The following ZFPM2 variants were observed in gnomAD, a reference collection of about 807,000 sequenced individuals.
ZFPM2 encodes the protein zinc finger protein ZFPM2.
A neutral mutation model predicts 98.6 loss-of-function variants in ZFPM2; 20 were observed. That is an observed-to-expected ratio of 0.20 (90% CI 0.14 to 0.29). The LOEUF is 0.29. ZFPM2 is among the 10% of genes least tolerant of loss of function. The pLI, the probability that ZFPM2 is intolerant of heterozygous loss-of-function variation, is 1.00. For missense variants in ZFPM2, 1,310 were observed against 1,388.6 expected (o/e 0.94, Z 0.90); for synonymous variants, 518 against 502.7 (o/e 1.03, Z -0.41).
intron 3 of ZFPM2, among the ~76,000 whole-genome samples, chr8:105,505,560 C>G (rs1235965304): frequency 6.6e-6 from 1 of 151,798 alleles, no homozygotes; most frequent in Non-Finnish European, 1.5e-5. Context: ...TGTTGACATT[C>G]TAATAAAGTC....
intron 5 of ZFPM2, among the ~76,000 whole-genome samples, chr8:105,649,209 GA>G (rs1427688093): frequency 1.3e-5 from 2 of 152,172 alleles, no homozygotes; most frequent in African/African-American, 4.8e-5. Context: ...GAATGCTTGT[GA>G]TTTTTGCACA....
intron 2 of ZFPM2, among the ~76,000 whole-genome samples, chr8:105,426,124 A>G (rs1811903134): frequency 6.6e-6 from 1 of 152,112 alleles, no homozygotes; most frequent in African/African-American, 2.4e-5. Context: ...GCTCTACCAT[A>G]ATCACTTTGA....
At chr8:105,641,822 C>A (rs1036853302) in intron 5 of ZFPM2, among the ~76,000 whole-genome samples, 1 of 151,958 alleles carries the variant, frequency 6.6e-6, no homozygotes, top group South Asian at 2.1e-4. Flanking sequence ...AATAGCCCTG[C>A]ACAATAATCC....
chr8:105,405,837 T>G (rs1050335582), intron 1 of ZFPM2, among the ~76,000 whole-genome samples: 1 of 152,150 alleles, frequency 6.6e-6, no homozygotes, highest in Non-Finnish European at 1.5e-5. Flanking sequence ...TAGTTCTAGA[T>G]CCCTGACGAA....
intron 4 of ZFPM2, among the ~76,000 whole-genome samples, chr8:105,566,978 T>C (rs558244945): frequency 6.6e-6 from 1 of 152,212 alleles, no homozygotes; most frequent in East Asian, 1.9e-4. Flanking sequence ...AATAATGAAA[T>C]AATGCATGTA....
chr8:105,721,121 A>G (rs1290588890), intron 5 of ZFPM2, among the ~76,000 whole-genome samples: 3 of 151,916 alleles, frequency 2.0e-5, no homozygotes, highest in African/African-American at 4.8e-5. Flanking sequence ...ACCACTGAAG[A>G]TACCAAAATC....
chr8:105,503,671 G>T (rs1813640895), intron 3 of ZFPM2, among the ~76,000 whole-genome samples: 1 of 152,092 alleles, frequency 6.6e-6, no homozygotes, highest in Non-Finnish European at 1.5e-5. Context: ...ATACTTTAAA[G>T]TATTTGTAGA....
At position 105,631,156 on chromosome 8, in the gene ZFPM2, T is replaced by A. The variant is rs532208447; in HGVS notation, c.421-3090T>A. Among the ~76,000 whole-genome samples the A allele has an allele frequency of 2.0e-5, 3 of 152,268 alleles. No individual in the cohort carries two copies. The South Asian group carries it at 6.2e-4, about 32-fold the overall frequency. ...GTACCTAACAAAATCCTTGCACAAG[T>A]AGCCTAAATAGTAGTACCCTTATTC... is the stretch of plus-strand genomic sequence containing the variant. On this transcript the variant is annotated intron_variant, in intron 4 of 7. Coordinates refer to ENST00000407775, the MANE Select transcript of ZFPM2 (RefSeq NM_012082.4).
At chr8:105,655,872 G>A (rs548006293) in intron 5 of ZFPM2, among the ~76,000 whole-genome samples, 7 of 152,304 alleles carry the variant, frequency 4.6e-5, no homozygotes, top group Non-Finnish European at 1.0e-4. Flanking sequence ...GAGCTTAAAT[G>A]TCTTGTTCAA....
At position 105,691,438 on chromosome 8, in the gene ZFPM2, C is replaced by T. The variant is rs1163000366; in HGVS notation, c.532+57081C>T. Among the ~76,000 whole-genome samples, 16 of 131,144 alleles carry T rather than the reference C, an allele frequency of 1.2e-4. No individual in the cohort carries two copies. In the East Asian group the frequency reaches 2.5e-3, roughly 20 times the overall value. The allele number at this position is 131,144 out of a possible 152,430, so 86.0% of individuals were successfully genotyped here. On this transcript the variant is annotated intron_variant, in intron 5 of 7. Transcript: ENST00000407775. ...TAATTTTTTGTATTTTTAGTAGAGA[C>T]GGGGTTTCACCTTGTTAGCCAGGAT...
intron 5 of ZFPM2, among the ~76,000 whole-genome samples, chr8:105,709,113 C>T (rs1359429311): frequency 1.3e-5 from 2 of 152,050 alleles, no homozygotes; most frequent in Admixed American, 1.3e-4. Context: ...CTCTGATGTG[C>T]CTTTTGATAG....
chr8:105,669,017 T>C (rs926872716), intron 5 of ZFPM2, among the ~76,000 whole-genome samples: 1 of 152,176 alleles, frequency 6.6e-6, no homozygotes. Flanking sequence ...GTTTTTTATA[T>C]GCATTATTCA....
chr8:105,437,033 T>A, intron 2 of ZFPM2, among the ~76,000 whole-genome samples: 1 of 152,332 alleles, frequency 6.6e-6, no homozygotes, highest in African/African-American at 2.4e-5. Context: ...GAGATTATTT[T>A]GTTTTAGTCA....
intron 1 of ZFPM2, among the ~76,000 whole-genome samples, chr8:105,377,151 G>A (rs1810740571): frequency 1.3e-5 from 2 of 152,030 alleles, no homozygotes; most frequent in African/African-American, 4.8e-5. Context: ...TATCACGTAA[G>A]TCCCATCTGA....
At position 105,443,326 on chromosome 8, in the gene ZFPM2, C is replaced by CA. The variant is rs60238590; in HGVS notation, c.200-941dup. On this transcript the variant is annotated intron_variant, in intron 2 of 7. Coordinates refer to ENST00000407775, the MANE Select transcript of ZFPM2 (RefSeq NM_012082.4). ...AGACTCCTTCTCAAAAAACAAAAAA[C>CA]AAAAAAAAAAAAACTTGGCATTATT... Among the ~76,000 whole-genome samples, 628 of 122,416 alleles carry CA rather than the reference C, an allele frequency of 5.1e-3. 20 individuals carry two copies. Among genetic ancestry groups the CA allele is most frequent in the East Asian group, 4.8e-3 (21 of 4,364 alleles). The allele number at this position is 122,416 out of a possible 152,430, so 80.3% of individuals were successfully genotyped here.
chr8:105,408,493 C>G (rs1421087303), intron 1 of ZFPM2, among the ~76,000 whole-genome samples: 2 of 151,798 alleles, frequency 1.3e-5, no homozygotes, highest in Non-Finnish European at 2.9e-5. Context: ...ACATGGCCCC[C>G]TTCGTCTTGT....
At chr8:105,427,817 T>C (rs1325779504) in intron 2 of ZFPM2, among the ~76,000 whole-genome samples, 1 of 152,232 alleles carries the variant, frequency 6.6e-6, no homozygotes, top group East Asian at 1.9e-4. Context: ...TCAGCTTCTT[T>C]TTTGTCATTC....
chr8:105,472,143 A>G (rs1812917127), intron 3 of ZFPM2, among the ~76,000 whole-genome samples: 1 of 152,210 alleles, frequency 6.6e-6, no homozygotes, highest in Non-Finnish European at 1.5e-5. Context: ...TATGATAAAA[A>G]AGTAGATCTT....
At chr8:105,794,912 G>A (rs547169767) in intron 6 of ZFPM2, among the ~76,000 whole-genome samples, 112 of 152,310 alleles carry the variant, frequency 7.4e-4, no homozygotes, top group South Asian at 2.3e-3. Context: ...CTCCTGGTGC[G>A]CCATTTTTTA....
Sources: gnomAD v4.1 joint callset for allele counts (sites outside exome capture counted in the v4.1 genomes callset) on GRCh38, gnomAD v4.1.1 for gene constraint, MANE v1.5 for transcripts, NCBI Gene and HGNC (gene_info 2026-07-23, HGNC 2026-07-21) for gene names.